The following SHTN1 variants were observed in gnomAD, a reference collection of about 807,000 sequenced individuals.
SHTN1 encodes the protein shootin-1.
A neutral mutation model predicts 83.1 loss-of-function variants in SHTN1; 42 were observed. The ratio of observed to expected loss-of-function variants is 0.51; its 90% confidence interval spans 0.39 to 0.65. SHTN1 has a LOEUF of 0.65. SHTN1 is among the 30% of genes least tolerant of loss of function. The probability of loss-of-function intolerance (pLI) is 0.00; values close to 1 mark genes in which losing one functional copy is unlikely to be tolerated. For missense variants in SHTN1, 622 were observed against 737.8 expected (o/e 0.84, Z 1.82); for synonymous variants, 224 against 247.7 (o/e 0.90, Z 0.90).
chr10:116,933,404 G>A (rs1229644457), intron 9 of SHTN1, among the ~76,000 whole-genome samples: 1 of 151,834 alleles, frequency 6.6e-6, no homozygotes, highest in Non-Finnish European at 1.5e-5. Context: ...ACTTATAAGT[G>A]AGTACATGCA....
chr10:117,051,411 T>G (rs1302364837), intron 1 of SHTN1, among the ~76,000 whole-genome samples: 1 of 152,110 alleles, frequency 6.6e-6, no homozygotes. Flanking sequence ...CCTGACTCAT[T>G]CCAAGAAGCC....
intron 1 of SHTN1, among the ~76,000 whole-genome samples, chr10:117,066,561 G>A (rs1035219553): frequency 1.3e-5 from 2 of 152,156 alleles, no homozygotes; most frequent in African/African-American, 4.8e-5. Flanking sequence ...AATATTATAA[G>A]GAATGTGAAT....
intron 14 of SHTN1, among the ~76,000 whole-genome samples, chr10:116,908,424 C>T (rs1848059053): frequency 1.3e-5 from 2 of 152,110 alleles, no homozygotes; most frequent in South Asian, 4.2e-4. Flanking sequence ...TAAGGTATGA[C>T]CAATACTGAC....
At chr10:116,889,120 G>C (rs970647713) in intron 16 of SHTN1, among the ~76,000 whole-genome samples, 2 of 152,208 alleles carry the variant, frequency 1.3e-5, no homozygotes, top group Non-Finnish European at 2.9e-5. Context: ...GAACTACCAT[G>C]GATGTTTCCA....
intron 7 of SHTN1, among the ~76,000 whole-genome samples, chr10:116,945,270 G>A (rs371145540): frequency 6.6e-6 from 1 of 152,144 alleles, no homozygotes; most frequent in African/African-American, 2.4e-5. Flanking sequence ...TGTAACACAT[G>A]AGCATATACA....
intron 9 of SHTN1, among the ~76,000 whole-genome samples, chr10:116,937,249 CAT>C (rs1849205810): frequency 6.6e-6 from 1 of 152,178 alleles, no homozygotes; most frequent in Non-Finnish European, 1.5e-5. Flanking sequence ...GCAGTCTCTT[CAT>C]AGTGTCATTA....
At chr10:116,911,617 A>G in intron 14 of SHTN1, 173 bp downstream of exon 14, 1 of 1,552,602 alleles carries the variant, frequency 6.4e-7, no homozygotes, top group Non-Finnish European at 8.7e-7. Flanking sequence ...TTGAAAAATT[A>G]TTAACATATG....
At chr10:117,006,283 G>A (rs182334852), upstream of SHTN1, among the ~76,000 whole-genome samples, 343 of 147,976 alleles carry the variant, frequency 2.3e-3, 1 homozygote, top group African/African-American at 8.1e-3. Flanking sequence ...TTACAGGTCT[G>A]TGGCCGGGCA....
chr10:116,966,026 G>C (rs1235783660), intron 3 of SHTN1, among the ~76,000 whole-genome samples: 2 of 151,538 alleles, frequency 1.3e-5, no homozygotes, highest in African/African-American at 4.9e-5. Flanking sequence ...GGGTTTTTTT[G>C]AGACGGAGTC....
Position 117,027,368 on chromosome 10 carries a change from G to A in SHTN1, c.-123+21077C>T, listed in dbSNP as rs534698118. On this transcript the variant is annotated intron_variant, in intron 2 of 17. Transcript: ENST00000392901. ...CCTGCTGTGGCCACAGGAAGTGCCA[G>A]CTTCTCCTCCACTGCCCACTGAGGC... 4.6e-4 allele frequency among the ~76,000 whole-genome samples: 70 copies of A among 152,278 alleles called. 2 individuals carry two copies. In the South Asian group the frequency reaches 0.014, roughly 31 times the overall value.
At chr10:116,974,985 G>C (rs1390613024) in intron 2 of SHTN1, among the ~76,000 whole-genome samples, 1 of 152,094 alleles carries the variant, frequency 6.6e-6, no homozygotes, top group Non-Finnish European at 1.5e-5. Flanking sequence ...AAAATATATA[G>C]TCATCTATTT....
intron 14 of SHTN1, chr10:116,911,471 A>T: frequency 6.5e-7 from 1 of 1,549,780 alleles, no homozygotes. Context: ...TTTTTCATCA[A>T]CATGTACGGA....
chr10:116,897,322 G>C (rs1847558347), intron 16 of SHTN1, among the ~76,000 whole-genome samples: 1 of 152,186 alleles, frequency 6.6e-6, no homozygotes, highest in African/African-American at 2.4e-5. Flanking sequence ...TACACTGAGA[G>C]ACACGTAGCT....
At chr10:117,110,880 G>A (rs1241806054) in intron 1 of SHTN1, among the ~76,000 whole-genome samples, 31 of 152,144 alleles carry the variant, frequency 2.0e-4, no homozygotes, top group Admixed American at 2.0e-3. Flanking sequence ...GAGTGCACTA[G>A]AGTCACTTGG....
At chr10:117,110,870 G>A (rs1379775355) in intron 1 of SHTN1, among the ~76,000 whole-genome samples, 1 of 152,128 alleles carries the variant, frequency 6.6e-6, no homozygotes, top group Non-Finnish European at 1.5e-5. Flanking sequence ...TCAAACTTTA[G>A]AGTGCACTAG....
chr10:116,971,738 G>C (rs989928269), intron 2 of SHTN1, among the ~76,000 whole-genome samples: 3 of 152,160 alleles, frequency 2.0e-5, no homozygotes, highest in East Asian at 1.9e-4. Context: ...TCTTAATCTG[G>C]CATTTCTGAA....
intron 9 of SHTN1, among the ~76,000 whole-genome samples, chr10:116,937,623 T>C (rs1278497008): frequency 3.3e-5 from 5 of 152,164 alleles, no homozygotes; most frequent in Non-Finnish European, 7.3e-5. Context: ...CCTTGGTCAA[T>C]CTGATGATTA....
intron 3 of SHTN1, among the ~76,000 whole-genome samples, chr10:116,965,205 TA>T (rs1850345070): frequency 6.6e-6 from 1 of 152,074 alleles, no homozygotes; most frequent in Non-Finnish European, 1.5e-5. Flanking sequence ...AAGCTTTTCC[TA>T]ACCCTTAGTC....
chr10:117,109,692 G>A lies in SHTN1; in HGVS notation c.-189+16615C>T, dbSNP rs373991823. ...CAATTATCCTGTCTCAGCCTCCCAA[G>A]TAGCTGGGACTATAGGAGTGCGCCA... On this transcript the variant is annotated intron_variant, in intron 1 of 17. Transcript: ENST00000392901. Among the ~76,000 whole-genome samples the A allele has an allele frequency of 6.8e-5, 10 of 146,698 alleles. 1 individual carries two copies. In the South Asian group the frequency reaches 1.7e-3, roughly 26 times the overall value.
Sources: gnomAD v4.1 joint callset for allele counts (sites outside exome capture counted in the v4.1 genomes callset) on GRCh38, gnomAD v4.1.1 for gene constraint, MANE v1.5 for transcripts, NCBI Gene and HGNC (gene_info 2026-07-23, HGNC 2026-07-21) for gene names.